The following RBFOX1 variants were observed in gnomAD, a reference collection of about 807,000 sequenced individuals.
RBFOX1 encodes the protein RNA binding fox-1 homolog 1, also known as RNA binding protein fox-1 homolog 1.
RBFOX1 carries 8 observed loss-of-function variants against 57.7 expected under a neutral mutation model. The observed-to-expected ratio is 0.14, with a 90% CI of 0.08 to 0.25. The LOEUF (loss-of-function observed/expected upper bound fraction) is 0.25. RBFOX1 is among the 10% of genes least tolerant of loss of function. The probability of loss-of-function intolerance (pLI) is 1.00; values close to 1 mark genes in which losing one functional copy is unlikely to be tolerated. For synonymous variants in RBFOX1, 326 were observed against 222.4 expected (o/e 1.47, Z -4.15); for missense variants, 611 against 548.5 (o/e 1.11, Z -1.14).
chr16:6,986,711 A>C (rs375276399), intron 3 of RBFOX1, among the ~76,000 whole-genome samples: 5 of 151,710 alleles, frequency 3.3e-5, no homozygotes, highest in East Asian at 1.9e-4. Flanking sequence ...GTCTTTTTGC[A>C]AATTCTTGAT....
At chr16:5,748,170 T>C (rs1419991841) in intron 3 of RBFOX1, among the ~76,000 whole-genome samples, 9 of 152,158 alleles carry the variant, frequency 5.9e-5, no homozygotes, top group Non-Finnish European at 1.0e-4. Context: ...TCAGTTTCGA[T>C]GTAGTTGAGT....
intron 4 of RBFOX1, among the ~76,000 whole-genome samples, chr16:7,138,361 T>C (rs1336016244): frequency 1.3e-5 from 2 of 152,154 alleles, no homozygotes; most frequent in African/African-American, 4.8e-5. Flanking sequence ...CTTCTGTAAA[T>C]CTTGGCTTTG....
At chr16:6,743,623 G>A (rs2154184847) in intron 3 of RBFOX1, among the ~76,000 whole-genome samples, 1 of 151,916 alleles carries the variant, frequency 6.6e-6, no homozygotes, top group East Asian at 1.9e-4. Context: ...CATGTCTGTA[G>A]TCCCAGCTAC....
chr16:6,961,725 T>C (rs2083058769), intron 3 of RBFOX1, among the ~76,000 whole-genome samples: 1 of 152,102 alleles, frequency 6.6e-6, no homozygotes. Context: ...TTAGACCATA[T>C]AGGGTAGCTT....
intron 2 of RBFOX1, among the ~76,000 whole-genome samples, chr16:5,594,876 A>G (rs2047129866): frequency 6.6e-6 from 1 of 151,634 alleles, no homozygotes; most frequent in Non-Finnish European, 1.5e-5. Flanking sequence ...TCATGTCTAT[A>G]ATCCCAGCAC....
chr16:6,193,366 ATATATATATACATTATATATATATAC>A (rs1482825344), intron 1 of RBFOX1, among the ~76,000 whole-genome samples: 4 of 119,450 alleles, frequency 3.3e-5, no homozygotes, highest in African/African-American at 1.3e-4. Flanking sequence ...TTATATATAT[ATATATATATACATTATATATATATAC>A]TATATATATA....
At chr16:6,896,351 T>C (rs1457047796) in intron 3 of RBFOX1, among the ~76,000 whole-genome samples, 1 of 152,198 alleles carries the variant, frequency 6.6e-6, no homozygotes, top group African/African-American at 2.4e-5. Flanking sequence ...TACTACTGAG[T>C]ATAGTAATCA....
At chr16:6,072,903 C>T (rs956474266) in intron 1 of RBFOX1, among the ~76,000 whole-genome samples, 1 of 152,142 alleles carries the variant, frequency 6.6e-6, no homozygotes, top group Non-Finnish European at 1.5e-5. Context: ...GATGGTTTCA[C>T]AGGCCTATGC....
intron 1 of RBFOX1, among the ~76,000 whole-genome samples, chr16:6,253,718 C>T (rs994774750): frequency 1.0e-4 from 13 of 125,818 alleles, no homozygotes; most frequent in Middle Eastern, 3.5e-3. Context: ...TATATATGTA[C>T]CTATACAGAA....
chr16:6,501,244 C>G (rs1215145456), intron 2 of RBFOX1, among the ~76,000 whole-genome samples: 1 of 147,624 alleles, frequency 6.8e-6, no homozygotes, highest in African/African-American at 2.5e-5. Context: ...CACCCATCAA[C>G]TCTTCATTTA....
At chr16:6,440,213 G>C (rs2094347741) in intron 2 of RBFOX1, among the ~76,000 whole-genome samples, 1 of 151,976 alleles carries the variant, frequency 6.6e-6, no homozygotes, top group African/African-American at 2.4e-5. Flanking sequence ...GGGATTACAG[G>C]CGTGAGCCTT....
chr16:7,458,850 A>T (rs1159152915), intron 4 of RBFOX1, among the ~76,000 whole-genome samples: 3 of 152,136 alleles, frequency 2.0e-5, no homozygotes, highest in Non-Finnish European at 4.4e-5. Context: ...TCACCATTTG[A>T]CATACTATGT....
At chr16:6,926,234 G>C in intron 3 of RBFOX1, among the ~76,000 whole-genome samples, 1 of 152,306 alleles carries the variant, frequency 6.6e-6, no homozygotes, top group South Asian at 2.1e-4. Context: ...TTGAACCTGG[G>C]AGGGGGAGGT....
chr16:7,628,860 G>A (rs917766619), intron 10 of RBFOX1, among the ~76,000 whole-genome samples: 1 of 152,154 alleles, frequency 6.6e-6, no homozygotes, highest in East Asian at 1.9e-4. Context: ...TGATCTACCT[G>A]CCTTGGCCTC....
chr16:5,256,291 C>T lies in RBFOX1; in HGVS notation c.219+16186C>T, dbSNP rs532163381. ...CAGGGAAAAATTGGGTCCTGGCACC[C>T]ATGGCAGAGTTGAGTGATCCAGTCC... On this transcript the variant is annotated intron_variant, in intron 1 of 2. Transcript: ENST00000585867. Among the ~76,000 whole-genome samples the T allele has an allele frequency of 1.2e-3, 183 of 152,262 alleles. 1 individual carries two copies. Among genetic ancestry groups the T allele is most frequent in the African/African-American group, 4.2e-3 (174 of 41,536 alleles).
intron 4 of RBFOX1, among the ~76,000 whole-genome samples, chr16:7,415,233 T>C (rs1597863899): frequency 6.6e-6 from 1 of 152,118 alleles, no homozygotes; most frequent in Non-Finnish European, 1.5e-5. Flanking sequence ...GTGTCTGGGG[T>C]ATTAAGGTTT....
chr16:7,211,391 CAAA>C (rs57333413), intron 4 of RBFOX1, among the ~76,000 whole-genome samples: 50 of 83,924 alleles, frequency 6.0e-4, no homozygotes, highest in African/African-American at 2.1e-3. Context: ...GACTGCCTCT[CAAA>C]AAAAAAAAAA....
chr16:6,355,788 C>T (rs1296356567), intron 2 of RBFOX1, among the ~76,000 whole-genome samples: 1 of 152,206 alleles, frequency 6.6e-6, no homozygotes, highest in Non-Finnish European at 1.5e-5. Flanking sequence ...ACATCCTCTC[C>T]AGCTTCTTTT....
intron 2 of RBFOX1, among the ~76,000 whole-genome samples, chr16:6,410,088 C>G (rs1162964684): frequency 6.6e-6 from 1 of 151,826 alleles, no homozygotes; most frequent in Non-Finnish European, 1.5e-5. Flanking sequence ...TCTCACATTC[C>G]TGGAGTTTGT....
Sources: allele counts gnomAD v4.1 joint callset (sites outside exome capture counted in the v4.1 genomes callset), GRCh38; gene constraint gnomAD v4.1.1; transcripts MANE v1.5; gene names NCBI Gene and HGNC (gene_info 2026-07-23, HGNC 2026-07-21).